The following ERP44 variants were observed in gnomAD, a reference collection of about 807,000 sequenced individuals.
The protein encoded by ERP44 is endoplasmic reticulum resident protein 44.
In ERP44, 25 loss-of-function variants were observed where a neutral mutation model predicts 53.4. That is an observed-to-expected ratio of 0.47 (90% CI 0.34 to 0.65). The LOEUF (loss-of-function observed/expected upper bound fraction) is 0.65, where lower values mean the gene tolerates loss of function less well. Among genes scored for constraint, ERP44 ranks in the 30% least tolerant of loss-of-function variants. The pLI, the probability that ERP44 is intolerant of heterozygous loss-of-function variation, is 0.01. For missense variants in ERP44, 338 were observed against 493.2 expected (o/e 0.69, Z 2.98); for synonymous variants, 145 against 161.2 (o/e 0.90, Z 0.76).
At chr9:99,991,945 C>T (rs1830261151) in intron 10 of ERP44, among the ~76,000 whole-genome samples, 1 of 152,202 alleles carries the variant, frequency 6.6e-6, no homozygotes, top group African/African-American at 2.4e-5. Flanking sequence ...TGGATGCATA[C>T]ACCCTCCCAA....
intron 4 of ERP44, among the ~76,000 whole-genome samples, chr9:100,046,135 A>T (rs550295449): frequency 6.6e-6 from 1 of 152,264 alleles, no homozygotes; most frequent in South Asian, 2.1e-4. Flanking sequence ...ACTTACTGAG[A>T]GATCTCACAA....
At chr9:100,052,634 C>T (rs1199780056) in intron 3 of ERP44, 102 bp from the exon 4 acceptor site, 6 of 536,142 alleles carry the variant, frequency 1.1e-5, no homozygotes, top group East Asian at 3.3e-5. Flanking sequence ...TAATAAACGA[C>T]TCTGCGAGAT....
chr9:100,071,229 G>A (rs1210706992), intron 1 of ERP44, among the ~76,000 whole-genome samples: 1 of 151,394 alleles, frequency 6.6e-6, no homozygotes, highest in Non-Finnish European at 1.5e-5. Flanking sequence ...CAAGTAGCTG[G>A]GACTACAGGC....
intron 1 of ERP44, among the ~76,000 whole-genome samples, chr9:100,074,529 C>T (rs1299338751): frequency 2.0e-5 from 3 of 152,158 alleles, no homozygotes; most frequent in Non-Finnish European, 4.4e-5. Context: ...CATGGCCCCT[C>T]GATCAATTTC....
At chr9:100,040,854 T>C (rs1825892701) in intron 4 of ERP44, among the ~76,000 whole-genome samples, 1 of 152,174 alleles carries the variant, frequency 6.6e-6, no homozygotes, top group Admixed American at 6.5e-5. Flanking sequence ...AGCATTTTTA[T>C]ACGCTAACAG....
At chr9:99,994,425 TCTCA>T (rs58414815) in intron 10 of ERP44, among the ~76,000 whole-genome samples, 68,568 of 151,310 alleles carry the variant, frequency 0.45, 16,895 homozygotes, top group East Asian at 0.9. Flanking sequence ...CACTGCATGT[TCTCA>T]CTCACAGGTG....
At chr9:100,021,999 A>G in intron 5 of ERP44, 43 bp downstream of exon 5, 2 of 1,545,670 alleles carry the variant, frequency 1.3e-6, no homozygotes, top group South Asian at 2.3e-5. Context: ...TGTTTACATT[A>G]ATCAGGGAAT....
chr9:100,027,744 C>CG (rs899676587), intron 4 of ERP44, among the ~76,000 whole-genome samples: 1 of 152,110 alleles, frequency 6.6e-6, no homozygotes, highest in African/African-American at 2.4e-5. Flanking sequence ...GCCTCATACT[C>CG]GTTTCAGCAA....
At chr9:100,088,872 A>G (rs1160602408) in intron 1 of ERP44, among the ~76,000 whole-genome samples, 1 of 152,196 alleles carries the variant, frequency 6.6e-6, no homozygotes, top group African/African-American at 2.4e-5. Context: ...AGGGAAAGAA[A>G]TACTTCGAAT....
intron 1 of ERP44, among the ~76,000 whole-genome samples, chr9:100,092,450 G>A (rs1826570014): frequency 6.6e-6 from 1 of 152,182 alleles, no homozygotes; most frequent in Admixed American, 6.5e-5. Context: ...TCAAATCCAT[G>A]TGCTTACGTT....
At chr9:99,995,294 T>C (rs940079701) in intron 10 of ERP44, among the ~76,000 whole-genome samples, 1 of 152,188 alleles carries the variant, frequency 6.6e-6, no homozygotes, top group African/African-American at 2.4e-5. Flanking sequence ...ACAAAGAAAG[T>C]TAGTTTTATT....
chr9:99,998,582 C>T, intron 10 of ERP44: 1 of 737,536 alleles, frequency 1.4e-6, no homozygotes, highest in South Asian at 1.4e-5. Flanking sequence ...AGCTCTGTGC[C>T]TCCTGCCGTC....
chr9:99,983,405 C>T (rs980050514), intron 11 of ERP44, among the ~76,000 whole-genome samples: 1 of 151,544 alleles, frequency 6.6e-6, no homozygotes, highest in South Asian at 2.1e-4. Flanking sequence ...ATTAGCCGGG[C>T]GCGGTGGCGG....
At position 100,009,462 on chromosome 9, in the gene ERP44, G is replaced by A. The variant is rs566888308; in HGVS notation, c.763-1773C>T. ...AAGAAACCACATACCCATTAGTAGT[G>A]ATTCCCATCTCCCCTCTCCCCACCC... On this transcript the variant is annotated intron_variant, in intron 8 of 11. Transcript: ENST00000262455. Among the ~76,000 whole-genome samples, 3 of 152,148 alleles carry A rather than the reference G, an allele frequency of 2.0e-5. No individual in the cohort carries two copies. In the South Asian group the frequency reaches 6.2e-4, roughly 32 times the overall value.
At chr9:100,098,595 G>C (rs1321098334) in intron 1 of ERP44, among the ~76,000 whole-genome samples, 189 bp downstream of exon 1, 1 of 152,220 alleles carries the variant, frequency 6.6e-6, no homozygotes, top group Non-Finnish European at 1.5e-5. Flanking sequence ...CCCGACACTG[G>C]TTTCTCAGGC....
chr9:100,043,792 T>C (rs895547671), intron 4 of ERP44, among the ~76,000 whole-genome samples: 6 of 151,922 alleles, frequency 3.9e-5, no homozygotes, highest in Non-Finnish European at 1.5e-5. Flanking sequence ...TCCATAAAAA[T>C]ATACACCCTA....
At chr9:100,062,915 ACTTAAAAAAT>A (rs1389061972) in intron 1 of ERP44, among the ~76,000 whole-genome samples, 1 of 151,578 alleles carries the variant, frequency 6.6e-6, no homozygotes, top group Non-Finnish European at 1.5e-5. Flanking sequence ...TCTACAAAAA[ACTTAAAAAAT>A]TAGCCAGGCA....
intron 8 of ERP44, among the ~76,000 whole-genome samples, chr9:100,008,621 G>C (rs1373239478): frequency 2.0e-5 from 3 of 152,010 alleles, no homozygotes; most frequent in Non-Finnish European, 4.4e-5. Flanking sequence ...AACAAACTGG[G>C]ACCTATTTTA....
At chr9:99,986,605 T>G (rs188308279) in intron 10 of ERP44, among the ~76,000 whole-genome samples, 68 of 152,306 alleles carry the variant, frequency 4.5e-4, no homozygotes, top group African/African-American at 1.6e-3. Flanking sequence ...CTTTTTATCC[T>G]CTCTTGAGGT....
Sources: gnomAD v4.1 joint callset for allele counts (sites outside exome capture counted in the v4.1 genomes callset) on GRCh38, gnomAD v4.1.1 for gene constraint, MANE v1.5 for transcripts, NCBI Gene and HGNC (gene_info 2026-07-23, HGNC 2026-07-21) for gene names.